The following DPP6 variants were observed in gnomAD, a reference collection of about 807,000 sequenced individuals.
DPP6 encodes the protein A-type potassium channel modulatory protein DPP6.
DPP6 carries 69 observed loss-of-function variants against 122.6 expected under a neutral mutation model. The ratio of observed to expected loss-of-function variants is 0.56; its 90% CI spans 0.46 to 0.69. The LOEUF (loss-of-function observed/expected upper bound fraction) is 0.69. Ranked by LOEUF, DPP6 falls within the 30% of genes least tolerant of loss-of-function variation. The probability of loss-of-function intolerance (pLI) is 0.00; values close to 1 mark genes in which losing one functional copy is unlikely to be tolerated. For synonymous variants in DPP6, 418 were observed against 433.1 expected (o/e 0.97, Z 0.43); for missense variants, 928 against 1,116.9 (o/e 0.83, Z 2.41).
intron 1 of DPP6, among the ~76,000 whole-genome samples, chr7:154,334,132 A>G (rs1809187219): frequency 6.6e-6 from 1 of 152,000 alleles, no homozygotes; most frequent in South Asian, 2.1e-4. Flanking sequence ...ATATGGGCTG[A>G]CCAAATTTAT....
chr7:154,340,440 C>T (rs1809825080), intron 1 of DPP6, among the ~76,000 whole-genome samples: 1 of 152,196 alleles, frequency 6.6e-6, no homozygotes, highest in South Asian at 2.1e-4. Context: ...CAGCACATTG[C>T]TGTGTGGCCG....
At chr7:153,820,434 T>TA in the DPP6 span, among the ~76,000 whole-genome samples, 8 of 152,260 alleles carry the variant, frequency 5.3e-5, no homozygotes, top group African/African-American at 7.2e-5. Context: ...ATCAGTTATT[T>TA]AGCAGAGGCC....
intron 6 of DPP6, among the ~76,000 whole-genome samples, chr7:154,657,846 C>T (rs1435962336): frequency 1.3e-5 from 2 of 152,246 alleles, no homozygotes; most frequent in South Asian, 2.1e-4. Context: ...GAGCAAAATC[C>T]GAGAGGCTGA....
At chr7:153,863,123 TTATTA>T in the DPP6 span, among the ~76,000 whole-genome samples, 597 of 152,322 alleles carry the variant, frequency 3.9e-3, 2 homozygotes, top group African/African-American at 0.014. Context: ...CATGTTTCTC[TTATTA>T]TATAACTCTA....
At chr7:154,654,393 C>G (rs1349593650) in intron 6 of DPP6, among the ~76,000 whole-genome samples, 1 of 125,366 alleles carries the variant, frequency 8.0e-6, no homozygotes, top group Non-Finnish European at 1.7e-5. Context: ...CTGAAAACAT[C>G]TATATCCAAA....
At chr7:154,733,372 G>A (rs1842428707) in intron 8 of DPP6, among the ~76,000 whole-genome samples, 1 of 152,240 alleles carries the variant, frequency 6.6e-6, no homozygotes, top group South Asian at 2.1e-4. Context: ...AACCCTGGTG[G>A]TGTGACCATT....
intron 1 of DPP6, among the ~76,000 whole-genome samples, chr7:154,310,373 G>A (rs1479358905): frequency 6.6e-6 from 1 of 152,192 alleles, no homozygotes; most frequent in Non-Finnish European, 1.5e-5. Flanking sequence ...TGGGATCCGT[G>A]TCACCAACTT....
intron 1 of DPP6, among the ~76,000 whole-genome samples, chr7:154,139,782 C>T (rs1795752610): frequency 6.6e-6 from 1 of 152,178 alleles, no homozygotes; most frequent in African/African-American, 2.4e-5. Flanking sequence ...CCCATGATTC[C>T]ATGCACTATT....
intron 10 of DPP6, among the ~76,000 whole-genome samples, chr7:154,776,867 C>T (rs1031148357): frequency 6.6e-6 from 1 of 152,220 alleles, no homozygotes; most frequent in African/African-American, 2.4e-5. Context: ...AGCCATGCCC[C>T]TGAGCACCTA....
intron 1 of DPP6, among the ~76,000 whole-genome samples, chr7:154,288,226 G>C (rs1460585065): frequency 6.6e-6 from 1 of 152,240 alleles, no homozygotes; most frequent in African/African-American, 2.4e-5. Context: ...GAGCTCTGCT[G>C]TGTGAACTTT....
intron 1 of DPP6, among the ~76,000 whole-genome samples, chr7:154,119,592 C>T (rs924388979): frequency 1.8e-4 from 27 of 146,102 alleles, no homozygotes; most frequent in Admixed American, 1.4e-4. Flanking sequence ...ATCTCTGGAA[C>T]TTTGCAGGTG....
chr7:154,189,901 A>G (rs1017060464), intron 1 of DPP6, among the ~76,000 whole-genome samples: 2 of 152,188 alleles, frequency 1.3e-5, no homozygotes, highest in African/African-American at 4.8e-5. Flanking sequence ...ACATTTTACA[A>G]TGAGTCATTT....
intron 1 of DPP6, among the ~76,000 whole-genome samples, chr7:154,438,376 A>G (rs1225404083): frequency 3.5e-5 from 5 of 141,640 alleles, no homozygotes; most frequent in African/African-American, 1.3e-4. Context: ...AGGCTGAGTC[A>G]GGAGAACGGC....
chr7:153,996,603 A>G (rs1797448891), intron 1 of DPP6, among the ~76,000 whole-genome samples: 1 of 151,710 alleles, frequency 6.6e-6, no homozygotes, highest in South Asian at 2.1e-4. Flanking sequence ...AAAAGACTGG[A>G]AAAGTACACA....
At chr7:154,171,668 C>T (rs1309496621) in intron 1 of DPP6, among the ~76,000 whole-genome samples, 1 of 152,088 alleles carries the variant, frequency 6.6e-6, no homozygotes. Context: ...CAACACCTGC[C>T]CTCCTCTGAG....
chr7:154,222,007 A>G (rs1178393048), intron 1 of DPP6, among the ~76,000 whole-genome samples: 1 of 152,172 alleles, frequency 6.6e-6, no homozygotes, highest in Non-Finnish European at 1.5e-5. Context: ...CCATGGGGAT[A>G]GAACATCTTT....
At chr7:153,859,510 C>A in the DPP6 span, among the ~76,000 whole-genome samples, 2 of 152,110 alleles carry the variant, frequency 1.3e-5, no homozygotes, top group African/African-American at 4.8e-5. Context: ...GTGTTCTGAG[C>A]TGGACAGGAC....
chr7:154,196,502 A>G (rs987231555), intron 1 of DPP6, among the ~76,000 whole-genome samples: 3 of 152,192 alleles, frequency 2.0e-5, no homozygotes, highest in African/African-American at 7.2e-5. Context: ...AAAACAAAAC[A>G]AAACTCACAA....
At chr7:154,531,687 G>A (rs941365112) in intron 3 of DPP6, among the ~76,000 whole-genome samples, 3 of 151,928 alleles carry the variant, frequency 2.0e-5, no homozygotes, top group Admixed American at 6.6e-5. Context: ...ACCATGTTGT[G>A]TCATAAACTA....
Sources: gnomAD v4.1 joint callset for allele counts (sites outside exome capture counted in the v4.1 genomes callset) on GRCh38, gnomAD v4.1.1 for gene constraint, MANE v1.5 for transcripts, NCBI Gene and HGNC (gene_info 2026-07-23, HGNC 2026-07-21) for gene names.